Variants in COL22A1 observed in about 807,000 individuals in gnomAD.
The protein encoded by COL22A1 is collagen type XXII alpha 1 chain, also known as collagen alpha-1(XXII) chain.
In COL22A1, 221 loss-of-function variants were observed where a neutral mutation model predicts 248.9. That is an observed-to-expected ratio of 0.89 (90% CI 0.80 to 0.99). The LOEUF is 0.99. COL22A1 is among the 50% of genes least tolerant of loss of function. COL22A1 has a pLI of 0.00. For synonymous variants in COL22A1, 891 were observed against 793.4 expected (o/e 1.12, Z -2.07); for missense variants, 2,240 against 2,179.0 (o/e 1.03, Z -0.56).
chr8:138,767,574 C>T (rs536916628), intron 16 of COL22A1, among the ~76,000 whole-genome samples: 1 of 152,196 alleles, frequency 6.6e-6, no homozygotes, highest in Admixed American at 6.5e-5. Flanking sequence ...CTTATGCAAA[C>T]GAAAGAGGAC....
At chr8:138,613,052 T>A (rs1819009031) in intron 56 of COL22A1, among the ~76,000 whole-genome samples, 1 of 145,148 alleles carries the variant, frequency 6.9e-6, no homozygotes, top group Non-Finnish European at 1.5e-5. Context: ...ATAGAGACCA[T>A]CCTGGCTAAC....
chr8:138,592,362 G>A (rs1817141492), intron 63 of COL22A1, among the ~76,000 whole-genome samples: 3 of 152,076 alleles, frequency 2.0e-5, no homozygotes, highest in Non-Finnish European at 4.4e-5. Flanking sequence ...ATTTTCTCTT[G>A]TAACCCCAAT....
intron 58 of COL22A1, among the ~76,000 whole-genome samples, chr8:138,605,080 T>C (rs1050654847): frequency 3.3e-4 from 50 of 152,126 alleles, no homozygotes; most frequent in African/African-American, 1.2e-3. Flanking sequence ...AGGAGGCCTC[T>C]CTGAGAAGTA....
In COL22A1 at chr8:138,871,740, G is replaced by C. The variant is rs186122528; in HGVS notation, c.658+6010C>G. On this transcript the variant is annotated intron_variant, in intron 3 of 64. Transcript: ENST00000303045. ...AAAAGAGTGGGTAAAAGCATCCGCT[G>C]TTGTGAGATATTACCTGTAAATGTT... Among the ~76,000 whole-genome samples the C allele has an allele frequency of 2.0e-5, 3 of 152,180 alleles. No homozygotes were observed. In the South Asian group the frequency reaches 6.2e-4, roughly 32 times the overall value.
intron 64 of COL22A1, among the ~76,000 whole-genome samples, chr8:138,590,799 T>C (rs1816975394): frequency 6.6e-6 from 1 of 152,220 alleles, no homozygotes; most frequent in African/African-American, 2.4e-5. Context: ...TCTTCCAACA[T>C]GGCTACTGGG....
At chr8:138,619,577 G>T in intron 52 of COL22A1, 69 bp from the exon 53 acceptor site, 1 of 1,459,160 alleles carries the variant, frequency 6.9e-7, no homozygotes. Flanking sequence ...CTGGCTCTCT[G>T]TGTTTCCTAC....
intron 41 of COL22A1, among the ~76,000 whole-genome samples, chr8:138,672,225 G>T (rs1032038905): frequency 2.0e-5 from 3 of 152,138 alleles, no homozygotes; most frequent in Admixed American, 1.3e-4. Flanking sequence ...AAAATGAAAA[G>T]AAAAGTGGAA....
rs534260300 is a variant in COL22A1, at chr8:138,844,210, C to T, written c.659-52G>A. The T allele has an allele frequency of 1.7e-4, 268 of 1,552,428 alleles. 1 individual carries two copies. The South Asian group carries it at 2.8e-3, about 16-fold the overall frequency. On this transcript the variant is annotated intron_variant, in intron 3 of 64. Transcript: ENST00000303045. The stretch of plus-strand genomic sequence containing the variant: ...CTGATGAGAAAATGTGACCCATCGT[C>T]ACCCTGTGAAATATGACAGCACACA...
intron 44 of COL22A1, among the ~76,000 whole-genome samples, chr8:138,658,185 A>T (rs1271831560): frequency 1.3e-5 from 2 of 152,204 alleles, no homozygotes; most frequent in Non-Finnish European, 2.9e-5. Flanking sequence ...CCACTGAGGG[A>T]TGGAACTGTG....
intron 45 of COL22A1, among the ~76,000 whole-genome samples, chr8:138,652,150 C>A (rs1352883098): frequency 6.6e-6 from 1 of 152,194 alleles, no homozygotes; most frequent in East Asian, 1.9e-4. Context: ...GGCCCTGCAC[C>A]AAACTCCAGC....
chr8:138,644,962 G>A (rs942835203), intron 47 of COL22A1, among the ~76,000 whole-genome samples: 6 of 152,286 alleles, frequency 3.9e-5, no homozygotes, highest in African/African-American at 1.4e-4. Context: ...CCTGAGACAG[G>A]ACAGGTAGTC....
intron 26 of COL22A1, 36 bp downstream of exon 26, chr8:138,722,000 G>C (rs557545070): frequency 6.5e-7 from 1 of 1,532,642 alleles, no homozygotes; most frequent in Non-Finnish European, 8.9e-7. Context: ...TGTGTTTTGG[G>C]TTCCCAAACT....
At chr8:138,862,026 T>TAAAAAAAAAAAAAAAA (rs386414193) in intron 3 of COL22A1, among the ~76,000 whole-genome samples, 10 of 93,238 alleles carry the variant, frequency 1.1e-4, no homozygotes, top group African/African-American at 2.6e-4. Flanking sequence ...CTGTCTCTAC[T>TAAAAAAAAAAAAAAAA]AAAAAAAAAA....
At chr8:138,833,913 T>C (rs2131825172) in intron 4 of COL22A1, among the ~76,000 whole-genome samples, 1 of 152,272 alleles carries the variant, frequency 6.6e-6, no homozygotes, top group Admixed American at 6.5e-5. Context: ...AGGACAGCAA[T>C]GATGCCTACT....
At chr8:138,614,217 T>A (rs867437178) in intron 55 of COL22A1, among the ~76,000 whole-genome samples, 1 of 152,140 alleles carries the variant, frequency 6.6e-6, no homozygotes. Context: ...AGATAAGCAA[T>A]CAGAGGAGAG....
intron 1 of COL22A1, among the ~76,000 whole-genome samples, chr8:138,906,658 CTTT>C (rs371559054): frequency 6.9e-6 from 1 of 144,430 alleles, no homozygotes; most frequent in Non-Finnish European, 1.5e-5. Flanking sequence ...CTTTCTTTTT[CTTT>C]TTTTTTTTTG....
chr8:138,820,180 A>T (rs34939101), intron 7 of COL22A1, among the ~76,000 whole-genome samples: 10,064 of 152,162 alleles, frequency 0.066, 1,058 homozygotes, highest in African/African-American at 0.22. Context: ...TAAACTTCCA[A>T]GAATCTATCC....
intron 12 of COL22A1, among the ~76,000 whole-genome samples, chr8:138,781,224 T>C (rs946242787): frequency 3.9e-5 from 6 of 152,350 alleles, no homozygotes; most frequent in South Asian, 2.1e-4. Context: ...AAGATCTGTA[T>C]GCACCTGATG....
intron 15 of COL22A1, 24 bp downstream of exon 15, chr8:138,778,329 G>T (rs1189947112): frequency 6.2e-7 from 1 of 1,614,020 alleles, no homozygotes; most frequent in Non-Finnish European, 8.5e-7. Flanking sequence ...TAGAACCCCT[G>T]CCCAGACAAG....
Sources: gnomAD v4.1 joint callset for allele counts (sites outside exome capture counted in the v4.1 genomes callset) on GRCh38, gnomAD v4.1.1 for gene constraint, MANE v1.5 for transcripts, NCBI Gene and HGNC (gene_info 2026-07-23, HGNC 2026-07-21) for gene names.